PDE4D: variants seen among roughly 807,000 people sequenced by gnomAD.
PDE4D encodes the protein phosphodiesterase 4D.
PDE4D carries 24 observed loss-of-function variants against 87.4 expected under a neutral mutation model. That is an observed-to-expected ratio of 0.27 (90% CI 0.20 to 0.39). PDE4D has a LOEUF of 0.39. PDE4D is among the 10% of genes least tolerant of loss of function. The pLI is 1.00. For missense variants in PDE4D, 714 were observed against 1,041.0 expected, an observed-to-expected ratio of 0.69 and a Z score of 4.32; for synonymous variants, 384 against 383.2, an observed-to-expected ratio of 1.00 and a Z score of -0.02.
At chr5:59,577,144 A>T (rs1373596933) in intron 1 of PDE4D, among the ~76,000 whole-genome samples, 1 of 152,184 alleles carries the variant, frequency 6.6e-6, no homozygotes, top group Non-Finnish European at 1.5e-5. Context: ...GAAGGGCCTG[A>T]GACCTTTATC....
chr5:59,144,896 G>GGT (rs5868158), intron 5 of PDE4D, among the ~76,000 whole-genome samples: 1 of 132,650 alleles, frequency 7.5e-6, no homozygotes, highest in Non-Finnish European at 1.6e-5. Context: ...TTAATGGGGG[G>GGT]GGGGGGGGGA....
At chr5:59,202,816 G>A (rs1229706312) in intron 2 of PDE4D, among the ~76,000 whole-genome samples, 2 of 152,096 alleles carry the variant, frequency 1.3e-5, no homozygotes, top group Non-Finnish European at 2.9e-5. Context: ...CCCCAGCCAC[G>A]TGGAACTCTG....
At chr5:59,750,439 A>G (rs2150722518) in intron 1 of PDE4D, among the ~76,000 whole-genome samples, 1 of 152,162 alleles carries the variant, frequency 6.6e-6, no homozygotes, top group South Asian at 2.1e-4. Flanking sequence ...CGCCAACCAC[A>G]TTTGGCGTAC....
chr5:59,171,405 A>G (rs1782742656), intron 5 of PDE4D, among the ~76,000 whole-genome samples: 1 of 152,134 alleles, frequency 6.6e-6, no homozygotes, highest in South Asian at 2.1e-4. Context: ...ATCTCTTTCT[A>G]CACTGCTTCC....
intron 1 of PDE4D, among the ~76,000 whole-genome samples, chr5:59,550,932 G>A (rs1399594471): frequency 2.6e-5 from 4 of 151,944 alleles, no homozygotes; most frequent in Non-Finnish European, 4.4e-5. Flanking sequence ...TCCTGACCTC[G>A]TGATCCACCT....
chr5:59,367,483 T>C (rs1783250232), intron 1 of PDE4D, among the ~76,000 whole-genome samples: 1 of 152,146 alleles, frequency 6.6e-6, no homozygotes, highest in South Asian at 2.1e-4. Context: ...ACTAGAGTAG[T>C]CAAGTTTCTT....
intron 1 of PDE4D, among the ~76,000 whole-genome samples, chr5:59,813,868 A>G (rs952815884): frequency 2.0e-5 from 3 of 152,206 alleles, no homozygotes; most frequent in Non-Finnish European, 4.4e-5. Flanking sequence ...TCAGGGAGGC[A>G]CTATAGGTCC....
chr5:59,200,046 T>C (rs574347138), intron 2 of PDE4D, among the ~76,000 whole-genome samples: 2 of 43,048 alleles, frequency 4.6e-5, no homozygotes, highest in Admixed American at 4.9e-4. Context: ...CACACACGTA[T>C]GTACACACAT....
At chr5:60,034,820 T>A (rs1386642618) in intron 2 of PDE4D, among the ~76,000 whole-genome samples, 1 of 152,140 alleles carries the variant, frequency 6.6e-6, no homozygotes, top group Non-Finnish European at 1.5e-5. Flanking sequence ...TGGGTGAGAT[T>A]CAAAATGTTT....
chr5:59,362,313 T>C (rs1176137004), intron 1 of PDE4D, among the ~76,000 whole-genome samples: 2 of 152,218 alleles, frequency 1.3e-5, no homozygotes, highest in Non-Finnish European at 2.9e-5. Flanking sequence ...TAAATAGGCA[T>C]ACCACTTTAT....
At chr5:59,455,952 A>G (rs146738435) in intron 1 of PDE4D, among the ~76,000 whole-genome samples, 4 of 152,336 alleles carry the variant, frequency 2.6e-5, no homozygotes, top group Admixed American at 2.0e-4. Flanking sequence ...TATTTACCCA[A>G]TGCCTGTACC....
At chr5:59,051,238 T>G (rs368887389) in intron 5 of PDE4D, among the ~76,000 whole-genome samples, 35 of 152,324 alleles carry the variant, frequency 2.3e-4, no homozygotes, top group African/African-American at 8.2e-4. Context: ...CAGGTGTGTG[T>G]GGCACATGTC....
At chr5:59,107,442 T>C (rs1771807089) in intron 5 of PDE4D, among the ~76,000 whole-genome samples, 1 of 152,092 alleles carries the variant, frequency 6.6e-6, no homozygotes, top group African/African-American at 2.4e-5. Flanking sequence ...CTCCCAACCT[T>C]CAGTGATCTG....
At chr5:59,616,945 A>ATATATATATATATATATATATATC (rs936160133) in intron 1 of PDE4D, among the ~76,000 whole-genome samples, 42 of 137,268 alleles carry the variant, frequency 3.1e-4, no homozygotes, top group East Asian at 1.5e-3. Context: ...ATATATATAT[A>ATATATATATATATATATATATATC]TCTCCAAGAT....
At chr5:60,006,259 G>GT (rs2073706830) in intron 2 of PDE4D, among the ~76,000 whole-genome samples, 2 of 151,652 alleles carry the variant, frequency 1.3e-5, no homozygotes, top group Non-Finnish European at 2.9e-5. Flanking sequence ...AAGCAATTGT[G>GT]GTTTTTGCCA....
intron 1 of PDE4D, among the ~76,000 whole-genome samples, chr5:60,346,980 A>G (rs1758793830): frequency 6.6e-6 from 1 of 152,152 alleles, no homozygotes; most frequent in Non-Finnish European, 1.5e-5. Context: ...GAAGTGATGA[A>G]CTAGAGAGAA....
intron 1 of PDE4D, among the ~76,000 whole-genome samples, chr5:59,756,858 T>G (rs952455257): frequency 1.4e-5 from 2 of 144,762 alleles, no homozygotes; most frequent in Non-Finnish European, 3.0e-5. Flanking sequence ...TGTGCAATGG[T>G]GCAATCTCGG....
intron 1 of PDE4D, among the ~76,000 whole-genome samples, chr5:59,418,316 C>T (rs1427772777): frequency 6.6e-6 from 1 of 152,152 alleles, no homozygotes; most frequent in Non-Finnish European, 1.5e-5. Context: ...ACATGATTGC[C>T]TCTCAAGTTC....
intron 2 of PDE4D, among the ~76,000 whole-genome samples, chr5:60,059,950 C>T (rs1345948282): frequency 6.6e-6 from 1 of 151,906 alleles, no homozygotes; most frequent in Non-Finnish European, 1.5e-5. Context: ...AAGTCAGAGC[C>T]CAATCAGCTT....
Sources: gnomAD v4.1 joint callset for allele counts (sites outside exome capture counted in the v4.1 genomes callset) on GRCh38, gnomAD v4.1.1 for gene constraint, MANE v1.5 for transcripts, NCBI Gene and HGNC (gene_info 2026-07-23, HGNC 2026-07-21) for gene names.